CLDN10: variants seen among roughly 807,000 people sequenced by gnomAD.
CLDN10 encodes the protein claudin 10.
A neutral mutation model predicts 22.9 loss-of-function variants in CLDN10; 15 were observed. The observed-to-expected ratio is 0.65, with a 90% CI of 0.44 to 1.01. The LOEUF is 1.01. Ranked by LOEUF, CLDN10 falls within the 50% of genes least tolerant of loss-of-function variation. The probability of loss-of-function intolerance (pLI) is 0.00; values close to 1 mark genes in which losing one functional copy is unlikely to be tolerated. For missense variants in CLDN10, 247 were observed against 287.8 expected, an observed-to-expected ratio of 0.86 and a Z score of 1.03; for synonymous variants, 114 against 111.4, an observed-to-expected ratio of 1.02 and a Z score of -0.15.
At chr13:95,557,097 A>G (rs1277010269) in intron 1 of CLDN10, among the ~76,000 whole-genome samples, 1 of 152,210 alleles carries the variant, frequency 6.6e-6, no homozygotes, top group African/African-American at 2.4e-5. Context: ...AGTGTATGCC[A>G]TCTATTTTTG....
upstream of CLDN10, among the ~76,000 whole-genome samples, chr13:95,548,273 T>C (rs2043530352): frequency 3.3e-5 from 5 of 152,164 alleles, no homozygotes; most frequent in Admixed American, 3.3e-4. Flanking sequence ...GGCCCAAACC[T>C]TACCCCTCCC....
At chr13:95,493,730 T>G (rs1337166371) in intron 1 of CLDN10, among the ~76,000 whole-genome samples, 1 of 152,088 alleles carries the variant, frequency 6.6e-6, no homozygotes, top group African/African-American at 2.4e-5. Context: ...CAGCTAATTT[T>G]TGTATTTTTT....
intron 1 of CLDN10, among the ~76,000 whole-genome samples, chr13:95,525,336 T>C (rs2043269706): frequency 6.6e-6 from 1 of 152,218 alleles, no homozygotes; most frequent in Non-Finnish European, 1.5e-5. Context: ...ATTACTAAAT[T>C]GGGTTATTTG....
chr13:95,527,427 G>T (rs996198276), intron 1 of CLDN10, among the ~76,000 whole-genome samples: 1 of 152,010 alleles, frequency 6.6e-6, no homozygotes, highest in Non-Finnish European at 1.5e-5. Flanking sequence ...TTAAAATTCT[G>T]ATATAGAAAA....
At chr13:95,530,257 C>T (rs1257061081) in intron 1 of CLDN10, among the ~76,000 whole-genome samples, 1 of 152,210 alleles carries the variant, frequency 6.6e-6, no homozygotes, top group Non-Finnish European at 1.5e-5. Context: ...TTCCCATGCA[C>T]TGAAAGCCCT....
chr13:95,553,874 T>G (rs914850965), intron 1 of CLDN10, among the ~76,000 whole-genome samples: 1 of 152,234 alleles, frequency 6.6e-6, no homozygotes, highest in Non-Finnish European at 1.5e-5. Context: ...TCCCATTGAT[T>G]GCTCAAGTTC....
At chr13:95,436,882 G>A (rs901353871) in intron 1 of CLDN10, among the ~76,000 whole-genome samples, 12 of 152,136 alleles carry the variant, frequency 7.9e-5, no homozygotes, top group African/African-American at 2.9e-4. Context: ...ATTATAAATT[G>A]AGAAAAGAAC....
chr13:95,543,344 G>A (rs2043478394), intron 1 of CLDN10, among the ~76,000 whole-genome samples: 1 of 152,170 alleles, frequency 6.6e-6, no homozygotes, highest in Non-Finnish European at 1.5e-5. Flanking sequence ...TTTAAAATAG[G>A]TGGAAGTGTG....
intron 1 of CLDN10, among the ~76,000 whole-genome samples, chr13:95,447,214 C>T (rs903575406): frequency 3.3e-5 from 5 of 152,170 alleles, no homozygotes; most frequent in South Asian, 2.1e-4. Flanking sequence ...CTTACTACGG[C>T]CATATGTTCT....
intron 1 of CLDN10, among the ~76,000 whole-genome samples, chr13:95,444,551 G>A (rs919957814): frequency 6.6e-6 from 1 of 152,162 alleles, no homozygotes; most frequent in South Asian, 2.1e-4. Context: ...AAATGTTATT[G>A]GACGGTTAAG....
intron 1 of CLDN10, among the ~76,000 whole-genome samples, chr13:95,436,130 G>A (rs978823022): frequency 9.9e-5 from 15 of 152,026 alleles, no homozygotes; most frequent in Non-Finnish European, 1.0e-4. Context: ...CATCATCACA[G>A]AGTTAGGCAT....
chr13:95,509,727 A>G (rs1418485230), intron 1 of CLDN10, among the ~76,000 whole-genome samples: 1 of 152,066 alleles, frequency 6.6e-6, no homozygotes, highest in East Asian at 1.9e-4. Context: ...TCTCTTTCCC[A>G]TGAATTCCTA....
At chr13:95,457,190 T>A (rs1307490670) in intron 1 of CLDN10, among the ~76,000 whole-genome samples, 2 of 152,192 alleles carry the variant, frequency 1.3e-5, no homozygotes, top group African/African-American at 4.8e-5. Flanking sequence ...AACCCTGGCA[T>A]ATGGAGGCAG....
intron 1 of CLDN10, among the ~76,000 whole-genome samples, chr13:95,504,691 T>C (rs1303510823): frequency 6.6e-6 from 1 of 152,152 alleles, no homozygotes; most frequent in Non-Finnish European, 1.5e-5. Context: ...TTTTAAAATA[T>C]TTTTTAATAT....
At chr13:95,462,988 C>T (rs2139091320) in intron 1 of CLDN10, among the ~76,000 whole-genome samples, 2 of 152,162 alleles carry the variant, frequency 1.3e-5, no homozygotes, top group Middle Eastern at 6.8e-3. Flanking sequence ...AAGCTGCTTG[C>T]CAAGGACTGA....
intron 1 of CLDN10, among the ~76,000 whole-genome samples, chr13:95,494,101 T>C (rs1035795864): frequency 2.6e-5 from 4 of 152,162 alleles, no homozygotes; most frequent in Non-Finnish European, 4.4e-5. Flanking sequence ...AAGGTAGTAA[T>C]TCCTTACTAC....
At chr13:95,434,545 A>G (rs371727261) in intron 1 of CLDN10, among the ~76,000 whole-genome samples, 20 of 123,536 alleles carry the variant, frequency 1.6e-4, no homozygotes, top group South Asian at 8.2e-4. Context: ...ACACGTGTGT[A>G]TATATATATG....
intron 1 of CLDN10, among the ~76,000 whole-genome samples, chr13:95,435,715 T>C (rs2042262671): frequency 6.6e-6 from 1 of 152,182 alleles, no homozygotes; most frequent in African/African-American, 2.4e-5. Flanking sequence ...AATCGTTCTT[T>C]CTCCAGGGGC....
chr13:95,577,041 T>C (rs934213809), intron 3 of CLDN10, among the ~76,000 whole-genome samples, 190 bp from the exon 4 acceptor site: 1 of 152,232 alleles, frequency 6.6e-6, no homozygotes, highest in African/African-American at 2.4e-5. Flanking sequence ...GTTGGGATGG[T>C]CTAATGGCTA....
Sources: gnomAD v4.1 joint callset for allele counts (sites outside exome capture counted in the v4.1 genomes callset) on GRCh38, gnomAD v4.1.1 for gene constraint, MANE v1.5 for transcripts, NCBI Gene and HGNC (gene_info 2026-07-23, HGNC 2026-07-21) for gene names.